Variants in ZNF729 observed in about 807,000 individuals in gnomAD.
The protein encoded by ZNF729 is zinc finger protein 729.
In ZNF729, 15 loss-of-function variants were observed where a neutral mutation model predicts 12.2. The ratio of observed to expected loss-of-function variants is 1.23; its 90% CI spans 0.82 to 1.89. ZNF729 has a LOEUF of 1.89. ZNF729 is among the 40% of genes most tolerant of loss of function. The probability of loss-of-function intolerance (pLI) is 0.00; values close to 1 mark genes in which losing one functional copy is unlikely to be tolerated. For synonymous variants in ZNF729, 492 were observed against 476.3 expected, an observed-to-expected ratio of 1.03 and a Z score of -0.43; for missense variants, 1,540 against 1,456.7, an observed-to-expected ratio of 1.06 and a Z score of -0.93.
intron 1 of ZNF729, among the ~76,000 whole-genome samples, chr19:22,292,186 T>C (rs1031213369): frequency 1.3e-5 from 2 of 152,180 alleles, no homozygotes; most frequent in African/African-American, 4.8e-5. Flanking sequence ...TCTGATCCTC[T>C]TTGTCCTCCA....
At chr19:22,300,453 A>C (rs1968289800) in intron 1 of ZNF729, among the ~76,000 whole-genome samples, 1 of 152,198 alleles carries the variant, frequency 6.6e-6, no homozygotes, top group African/African-American at 2.4e-5. Context: ...ATGTTTCACA[A>C]AAACTGTCTA....
chr19:22,315,852 C>T lies in ZNF729; in HGVS notation c.2435C>T (p.Thr812Ile). The T allele has an allele frequency of 6.2e-7, 1 of 1,610,336 alleles. No individual in the cohort carries two copies. Residue 812 changes from threonine to isoleucine, a missense_variant, in exon 4 of 4, where the codon ACT becomes ATT. Transcript: ENST00000601693. ...GKAFKWSSKL[T>I]VHKVIHTGEK... ...GCTTTTAAGTGGTCCTCAAAGCTTACTGTACATAAGGTAATTCATACTGGA... is the reference window on the plus strand; with the variant it reads ...GCTTTTAAGTGGTCCTCAAAGCTTATTGTACATAAGGTAATTCATACTGGA...
At chr19:22,311,270 T>G (rs1968447128) in intron 3 of ZNF729, among the ~76,000 whole-genome samples, 1 of 152,118 alleles carries the variant, frequency 6.6e-6, no homozygotes, top group African/African-American at 2.4e-5. Context: ...CTCTAGTTCT[T>G]TGAGGTGTGA....
chr19:22,295,389 C>CT (rs746054091), intron 1 of ZNF729, among the ~76,000 whole-genome samples: 6,176 of 130,834 alleles, frequency 0.047, 405 homozygotes, highest in African/African-American at 0.14. Flanking sequence ...AGTTTTCTTT[C>CT]TTTTTTTTTT....
Position 22,315,805 on chromosome 19 carries a change from C to G in ZNF729, c.2388C>G (p.Tyr796Ter), listed in dbSNP as rs747667528. Reference sequence around the variant, plus strand: ...TAATTCATACTGGAGAGAAACCCTACAAGTGTGAAGAATGTGGTAAAGCTT... The same window carrying G: ...TAATTCATACTGGAGAGAAACCCTAGAAGTGTGAAGAATGTGGTAAAGCTT... ...HKVIHTGEKP[Y>*]KCEECGKAFK... The change falls in exon 4 of 4, where the codon TAC becomes TAG. Residue 796 changes from tyrosine to a stop codon, truncating the protein, a stop_gained. Coordinates refer to ENST00000601693, the MANE Select transcript of ZNF729 (RefSeq NM_001242680.2). LOFTEE classifies it low-confidence loss of function (END_TRUNC). The G allele has an allele frequency of 4.4e-5, 71 of 1,610,776 alleles. No individual in the cohort carries two copies. In the South Asian group the frequency reaches 7.2e-4, roughly 16 times the overall value.
chr19:22,315,390 G>A lies in ZNF729; in HGVS notation c.1973G>A (p.Cys658Tyr), dbSNP rs761012749. Residue 658 changes from cysteine (C) to tyrosine (Y), a missense_variant, in exon 4 of 4, where the codon TGT becomes TAT. Transcript: ENST00000601693. Reference sequence around the variant, plus strand: ...CATACTGGAGAGAAACCTTACAAATGTGAAGAATGTGGCAAAGCTTTTAGC... The same window carrying A: ...CATACTGGAGAGAAACCTTACAAATATGAAGAATGTGGCAAAGCTTTTAGC... ...AIHTGEKPYK[C>Y]EECGKAFSHF... is the part of the protein sequence containing the mutation. The A allele has an allele frequency of 5.1e-5, 82 of 1,613,388 alleles. No individual in the cohort carries two copies. The highest frequency in any genetic ancestry group is 6.7e-5 in the Non-Finnish European group (79 of 1,179,820).
intron 1 of ZNF729, among the ~76,000 whole-genome samples, chr19:22,295,858 C>A (rs77713880): frequency 0.022 from 3,350 of 152,164 alleles, 109 homozygotes; most frequent in African/African-American, 0.077. Flanking sequence ...TTATTGAAAT[C>A]TTTTTCTGCA....
At position 22,315,317 on chromosome 19, in the gene ZNF729, G is replaced by A. The variant is rs1968516201; in HGVS notation, c.1900G>A (p.Gly634Ser). ...GKKPYKCEEC[G>S]KAFRQSSHLT... is the part of the protein sequence containing the mutation. ...GAAACCGTACAAATGTGAAGAATGT[G>A]GCAAAGCTTTTAGGCAATCCTCACA... is the stretch of plus-strand genomic sequence containing the variant. Residue 634 changes from glycine to serine, a missense_variant, in exon 4 of 4, where the codon GGC becomes AGC. Gly to Ser is a moderately conservative substitution (Grantham distance 56). Transcript: ENST00000601693. The A allele has an allele frequency of 6.2e-7, 1 of 1,613,386 alleles. No individual in the cohort carries two copies. Among genetic ancestry groups the A allele is most frequent in the African/African-American group, 1.3e-5 (1 of 74,970 alleles).
At chr19:22,308,589 G>A (rs1285164787) in intron 3 of ZNF729, among the ~76,000 whole-genome samples, 3 of 151,752 alleles carry the variant, frequency 2.0e-5, no homozygotes, top group Non-Finnish European at 4.4e-5. Flanking sequence ...AGGTGGTATC[G>A]TATTGTGGTT....
chr19:22,303,356 C>A (rs147305366), intron 1 of ZNF729, among the ~76,000 whole-genome samples: 3,622 of 149,378 alleles, frequency 0.024, 65 homozygotes, highest in South Asian at 0.064. Flanking sequence ...ATATGCATAA[C>A]AAGATCTCCA....
chr19:22,313,763 G>A lies in ZNF729; in HGVS notation c.346G>A (p.Gly116Arg). Residue 116 changes from glycine (G) to arginine (R), a missense_variant, in exon 4 of 4, where the codon GGA (glycine) becomes AGA (arginine). By Grantham distance (125) the Gly-to-Arg change is moderately radical. Coordinates refer to ENST00000601693, the MANE Select transcript of ZNF729 (RefSeq NM_001242680.2). Reference sequence around the variant, plus strand: ...AATACTGAGAACATATGCAAGATGTGGACATAAGAATTTACGATTAAGAAA... The same window carrying A: ...AATACTGAGAACATATGCAAGATGTAGACATAAGAATTTACGATTAAGAAA... ...EVILRTYARC[G>R]HKNLRLRKDC... 4 of 1,597,640 alleles carry A rather than the reference G, an allele frequency of 2.5e-6. No homozygotes were observed. The highest frequency in any genetic ancestry group is 3.4e-6 in the Non-Finnish European group (4 of 1,173,028).
intron 1 of ZNF729, among the ~76,000 whole-genome samples, chr19:22,290,755 T>G (rs561200516): frequency 6.6e-6 from 1 of 152,288 alleles, no homozygotes; most frequent in South Asian, 2.1e-4. Context: ...ATTTATTTTT[T>G]TTAATGAGAA....
chr19:22,291,564 T>G (rs1968154368), intron 1 of ZNF729, among the ~76,000 whole-genome samples: 1 of 152,154 alleles, frequency 6.6e-6, no homozygotes, highest in Admixed American at 6.5e-5. Context: ...AGCAGCAACC[T>G]GTTTTCTCCA....
intron 1 of ZNF729, among the ~76,000 whole-genome samples, chr19:22,287,573 G>C (rs570818947): frequency 6.6e-6 from 1 of 152,048 alleles, no homozygotes; most frequent in South Asian, 2.1e-4. Flanking sequence ...GGCCGAATTA[G>C]ATTTTTTAAA....
chr19:22,292,957 CA>C (rs1162714213), intron 1 of ZNF729, among the ~76,000 whole-genome samples: 1 of 152,126 alleles, frequency 6.6e-6, no homozygotes, highest in Non-Finnish European at 1.5e-5. Flanking sequence ...CTGCTTTTCA[CA>C]ATGGTTGAAC....
chr19:22,290,512 A>G (rs1464264795), intron 1 of ZNF729, among the ~76,000 whole-genome samples: 1 of 152,150 alleles, frequency 6.6e-6, no homozygotes, highest in Non-Finnish European at 1.5e-5. Flanking sequence ...AGCAAACAGT[A>G]TTAGGAGGTG....
chr19:22,312,132 A>G (rs1378871223), intron 3 of ZNF729, among the ~76,000 whole-genome samples: 1 of 151,976 alleles, frequency 6.6e-6, no homozygotes, highest in Non-Finnish European at 1.5e-5. Flanking sequence ...TCAATTTTTT[A>G]TAGTGATCTG....
chr19:22,292,823 A>G (rs1318337356), intron 1 of ZNF729, among the ~76,000 whole-genome samples: 2 of 152,180 alleles, frequency 1.3e-5, no homozygotes, highest in Non-Finnish European at 2.9e-5. Context: ...TAGTGCCGCA[A>G]TGAACATGTA....
At position 22,316,970 on chromosome 19, in the gene ZNF729, G is replaced by A. The variant is rs1968557099; in HGVS notation, c.3553G>A (p.Glu1185Lys). Reference sequence around the variant, plus strand: ...TAGACACAAAACAATTCATACTGGAGAGAAACCCTACAAATGTGAAGAATG... The same window carrying A: ...TAGACACAAAACAATTCATACTGGAAAGAAACCCTACAAATGTGAAGAATG... ...LTRHKTIHTG[E>K]KPYKCEECGK... The change falls in exon 4 of 4, where the codon GAG (glutamate) becomes AAG (lysine). Residue 1185 changes from glutamate (E) to lysine (K), a missense_variant. By Grantham distance (56) the Glu-to-Lys change is moderately conservative. Transcript: ENST00000601693. The A allele has an allele frequency of 4.3e-6, 7 of 1,612,778 alleles. No homozygotes were observed. Among genetic ancestry groups the A allele is most frequent in the South Asian group, 1.1e-5 (1 of 91,054 alleles).
Sources: allele counts gnomAD v4.1 joint callset (sites outside exome capture counted in the v4.1 genomes callset), GRCh38; gene constraint gnomAD v4.1.1; transcripts MANE v1.5; gene names NCBI Gene and HGNC (gene_info 2026-07-23, HGNC 2026-07-21).